Variants in SORCS3 observed in about 807,000 individuals in gnomAD.
The protein encoded by SORCS3 is sortilin related VPS10 domain containing receptor 3, also known as VPS10 domain-containing receptor SorCS3.
SORCS3 carries 57 observed loss-of-function variants against 146.3 expected under a neutral mutation model. That is an observed-to-expected ratio of 0.39 (90% CI 0.31 to 0.49). SORCS3 has a LOEUF of 0.49. Ranked by LOEUF, SORCS3 falls within the 20% of genes least tolerant of loss-of-function variation. SORCS3 has a pLI of 0.92. For missense variants in SORCS3, 1,341 were observed against 1,575.5 expected (o/e 0.85, Z 2.52); for synonymous variants, 653 against 618.5 (o/e 1.06, Z -0.83).
intron 6 of SORCS3, among the ~76,000 whole-genome samples, chr10:105,092,735 C>T (rs2055719084): frequency 6.6e-6 from 1 of 151,970 alleles, no homozygotes; most frequent in South Asian, 2.1e-4. Flanking sequence ...CCCAGATTCA[C>T]ATAGCTAATT....
intron 1 of SORCS3, among the ~76,000 whole-genome samples, chr10:104,791,688 T>C (rs2017497200): frequency 6.6e-6 from 1 of 152,216 alleles, no homozygotes; most frequent in African/African-American, 2.4e-5. Context: ...GGAATGCTGA[T>C]GTCTGACACC....
chr10:105,254,075 G>A (rs2056916578), intron 23 of SORCS3, among the ~76,000 whole-genome samples: 1 of 152,224 alleles, frequency 6.6e-6, no homozygotes, highest in African/African-American at 2.4e-5. Flanking sequence ...GGGAATTACA[G>A]AGTGATTAAA....
chr10:104,720,245 C>G (rs568667807), intron 1 of SORCS3, among the ~76,000 whole-genome samples: 1 of 152,036 alleles, frequency 6.6e-6, no homozygotes, highest in Admixed American at 6.5e-5. Flanking sequence ...TTTGTCCTTG[C>G]AATAGTTTGC....
intron 1 of SORCS3, among the ~76,000 whole-genome samples, chr10:104,720,871 T>C (rs2016539556): frequency 6.6e-6 from 1 of 152,240 alleles, no homozygotes; most frequent in South Asian, 2.1e-4. Flanking sequence ...AGATTCTGGA[T>C]ATTAGCCCTT....
chr10:104,707,983 T>G (rs2016358256), intron 1 of SORCS3, among the ~76,000 whole-genome samples: 1 of 152,222 alleles, frequency 6.6e-6, no homozygotes, highest in African/African-American at 2.4e-5. Context: ...ATTGTATTTA[T>G]AGAAACTCAG....
At chr10:104,692,857 C>A (rs943111349) in intron 1 of SORCS3, among the ~76,000 whole-genome samples, 13 of 152,150 alleles carry the variant, frequency 8.5e-5, no homozygotes, top group South Asian at 2.1e-4. Flanking sequence ...TCTCTGGGGG[C>A]CTCAAACTTC....
chr10:104,896,601 AG>A (rs2018801443), intron 2 of SORCS3, among the ~76,000 whole-genome samples: 1 of 152,376 alleles, frequency 6.6e-6, no homozygotes, highest in Admixed American at 6.5e-5. Context: ...GCAAGTGGGC[AG>A]GGGTCAGCCA....
At chr10:105,200,994 G>A in intron 15 of SORCS3, 126 bp from the exon 16 acceptor site, 2 of 988,862 alleles carry the variant, frequency 2.0e-6, no homozygotes, top group Non-Finnish European at 1.5e-6. Flanking sequence ...GATCATTACT[G>A]AGAATGAGAC....
intron 1 of SORCS3, among the ~76,000 whole-genome samples, chr10:104,816,680 C>T (rs994847926): frequency 6.6e-6 from 1 of 152,102 alleles, no homozygotes; most frequent in African/African-American, 2.4e-5. Flanking sequence ...TTTTAAAAAC[C>T]ACTTTGTGGT....
intron 16 of SORCS3, among the ~76,000 whole-genome samples, chr10:105,203,536 C>T (rs2056585977): frequency 6.6e-6 from 1 of 152,040 alleles, no homozygotes; most frequent in Non-Finnish European, 1.5e-5. Flanking sequence ...ATAATAGACC[C>T]TCACCCATTG....
At chr10:104,848,887 C>T (rs1564697570) in intron 2 of SORCS3, among the ~76,000 whole-genome samples, 1 of 152,182 alleles carries the variant, frequency 6.6e-6, no homozygotes, top group Non-Finnish European at 1.5e-5. Flanking sequence ...GAAACAACAG[C>T]AGGCATATGC....
intron 1 of SORCS3, among the ~76,000 whole-genome samples, chr10:104,831,833 AG>A (rs1163532606): frequency 3.3e-5 from 5 of 152,324 alleles, no homozygotes; most frequent in Admixed American, 6.5e-5. Flanking sequence ...CTCAGAACAC[AG>A]AAAGCAAGTA....
chr10:104,922,504 G>T (rs891341036), intron 3 of SORCS3, among the ~76,000 whole-genome samples: 5 of 152,172 alleles, frequency 3.3e-5, no homozygotes, highest in Non-Finnish European at 7.3e-5. Context: ...TGTGGGCCAG[G>T]TAGAGACTTG....
Position 105,217,138 on chromosome 10 carries a change from C to T in SORCS3, c.2734+16C>T. On this transcript the variant is annotated intron_variant, in intron 19 of 26. Coordinates refer to ENST00000369701, the MANE Select transcript of SORCS3 (RefSeq NM_014978.3). ...CATGTGGTTTGTAAGTAGGAGGCAC[C>T]ATCCCCGTTTTCCCTTTGTTCCCAG... 2 of 1,612,132 alleles carry T rather than the reference C, an allele frequency of 1.2e-6. No individual in the cohort carries two copies. The highest frequency in any genetic ancestry group is 4.5e-5 in the East Asian group (2 of 44,850).
At chr10:104,694,191 A>C (rs551849922) in intron 1 of SORCS3, among the ~76,000 whole-genome samples, 1 of 151,220 alleles carries the variant, frequency 6.6e-6, no homozygotes, top group African/African-American at 2.4e-5. Context: ...GCAGAGGGAC[A>C]TGCTTACCAA....
intron 4 of SORCS3, among the ~76,000 whole-genome samples, chr10:105,038,599 T>C (rs1485905507): frequency 6.6e-6 from 1 of 152,130 alleles, no homozygotes; most frequent in Non-Finnish European, 1.5e-5. Flanking sequence ...ATAATACATA[T>C]TTATTGTTCA....
intron 1 of SORCS3, among the ~76,000 whole-genome samples, chr10:104,793,177 A>G (rs896794303): frequency 2.0e-5 from 3 of 152,114 alleles, no homozygotes; most frequent in African/African-American, 7.2e-5. Flanking sequence ...TTAGAGTAGC[A>G]GAATAGGAAG....
chr10:104,879,941 C>T (rs1267012685), intron 2 of SORCS3, among the ~76,000 whole-genome samples: 1 of 152,150 alleles, frequency 6.6e-6, no homozygotes, highest in Non-Finnish European at 1.5e-5. Flanking sequence ...CCACCTCTTT[C>T]TCAGGATGGG....
At chr10:105,154,997 G>C (rs764845599) in intron 9 of SORCS3, among the ~76,000 whole-genome samples, 21 of 152,180 alleles carry the variant, frequency 1.4e-4, no homozygotes, top group Non-Finnish European at 2.8e-4. Flanking sequence ...GTTTGTTTCA[G>C]ACGGGAAGGA....
Sources: allele counts gnomAD v4.1 joint callset (sites outside exome capture counted in the v4.1 genomes callset), GRCh38; gene constraint gnomAD v4.1.1; transcripts MANE v1.5; gene names NCBI Gene and HGNC (gene_info 2026-07-23, HGNC 2026-07-21).